RPS6KC1: variants seen among roughly 807,000 people sequenced by gnomAD.
RPS6KC1 encodes the protein inactive ribosomal protein S6 kinase delta-1.
Under a neutral mutation model 103.8 loss-of-function variants are expected in RPS6KC1, and 54 were observed. That is an observed-to-expected ratio of 0.52 (90% CI 0.42 to 0.65). The LOEUF (loss-of-function observed/expected upper bound fraction) is 0.65. Among genes scored for constraint, RPS6KC1 ranks in the 30% least tolerant of loss-of-function variants. The probability of loss-of-function intolerance (pLI) is 0.00; values close to 1 mark genes in which losing one functional copy is unlikely to be tolerated. For synonymous variants in RPS6KC1, 439 were observed against 438.7 expected (o/e 1.00, Z -0.01); for missense variants, 1,151 against 1,253.8 (o/e 0.92, Z 1.24).
chr1:213,168,549 T>A (rs917942463), intron 7 of RPS6KC1, among the ~76,000 whole-genome samples: 1 of 141,216 alleles, frequency 7.1e-6, no homozygotes. Context: ...ACTTTTCTGT[T>A]ATTTTTTTTC....
chr1:213,734,926 TTTG>T, the RPS6KC1 span, among the ~76,000 whole-genome samples: 5 of 142,562 alleles, frequency 3.5e-5, no homozygotes, highest in Non-Finnish European at 6.1e-5. Flanking sequence ...GTTGTTGTTG[TTTG>T]TTGTTGTTGT....
the RPS6KC1 span, among the ~76,000 whole-genome samples, chr1:213,693,421 C>T: frequency 1.3e-5 from 2 of 152,240 alleles, no homozygotes; most frequent in Non-Finnish European, 2.9e-5. Context: ...ATTTGGACTA[C>T]AAGCTCCTTC....
At chr1:213,663,698 C>T in the RPS6KC1 span, among the ~76,000 whole-genome samples, 3 of 152,236 alleles carry the variant, frequency 2.0e-5, no homozygotes, top group Admixed American at 1.3e-4. Context: ...TATCCTTCCT[C>T]GAGCATGGAA....
At chr1:213,692,402 A>AT in the RPS6KC1 span, among the ~76,000 whole-genome samples, 431 of 150,602 alleles carry the variant, frequency 2.9e-3, 3 homozygotes, top group African/African-American at 0.01. Context: ...AAAAAAAAAA[A>AT]ATAAATAAAG....
At chr1:213,511,048 C>G in the RPS6KC1 span, among the ~76,000 whole-genome samples, 1 of 152,038 alleles carries the variant, frequency 6.6e-6, no homozygotes. Flanking sequence ...AGAACAGACA[C>G]CAGATTTTAA....
the RPS6KC1 span, among the ~76,000 whole-genome samples, chr1:213,523,535 G>T: frequency 3.9e-5 from 6 of 152,166 alleles, no homozygotes; most frequent in African/African-American, 1.2e-4. Flanking sequence ...CAGGGTTGTT[G>T]TAAAAATAAA....
At chr1:213,563,754 A>G in the RPS6KC1 span, among the ~76,000 whole-genome samples, 3 of 152,086 alleles carry the variant, frequency 2.0e-5, no homozygotes, top group Admixed American at 6.5e-5. Flanking sequence ...GTCTTCCAAA[A>G]ATGCAAGGAG....
the RPS6KC1 span, among the ~76,000 whole-genome samples, chr1:213,597,788 T>C: frequency 1.9e-4 from 29 of 152,098 alleles, no homozygotes; most frequent in African/African-American, 6.5e-4. Flanking sequence ...ACCCACTTAT[T>C]TTGTTGTTGT....
the RPS6KC1 span, among the ~76,000 whole-genome samples, chr1:213,343,757 T>C: frequency 6.6e-6 from 1 of 151,748 alleles, no homozygotes; most frequent in African/African-American, 2.4e-5. Context: ...AACTTCTTCA[T>C]GTAACCAAAT....
At chr1:213,619,907 G>A in the RPS6KC1 span, among the ~76,000 whole-genome samples, 1 of 152,114 alleles carries the variant, frequency 6.6e-6, no homozygotes, top group Non-Finnish European at 1.5e-5. Flanking sequence ...AGTAGTAGAG[G>A]GAAAAGTTAA....
intron 8 of RPS6KC1, among the ~76,000 whole-genome samples, chr1:213,186,256 T>G (rs1170091774): frequency 3.3e-5 from 5 of 151,962 alleles, no homozygotes; most frequent in Non-Finnish European, 7.4e-5. Flanking sequence ...GCATTTCTTA[T>G]AATGTAGATC....
chr1:213,411,181 C>A, the RPS6KC1 span, among the ~76,000 whole-genome samples: 1 of 152,172 alleles, frequency 6.6e-6, no homozygotes, highest in Non-Finnish European at 1.5e-5. Flanking sequence ...CCTGTCTTTA[C>A]GGAAGGCCTT....
the RPS6KC1 span, among the ~76,000 whole-genome samples, chr1:213,693,146 T>TCCTTCAATCTATTCTCAGCAG: frequency 3.9e-5 from 6 of 152,304 alleles, no homozygotes; most frequent in Admixed American, 2.6e-4. Flanking sequence ...CCTCTTGCCT[T>TCCTTCAATCTATTCTCAGCAG]CCTTCAATCT....
intron 6 of RPS6KC1, among the ~76,000 whole-genome samples, chr1:213,140,831 AG>A (rs1350165286): frequency 7.0e-6 from 1 of 142,808 alleles, no homozygotes; most frequent in Non-Finnish European, 1.5e-5. Flanking sequence ...TCATAGAATG[AG>A]GGAGGAATCC....
At chr1:213,109,658 G>T (rs2082829805) in intron 4 of RPS6KC1, among the ~76,000 whole-genome samples, 1 of 151,984 alleles carries the variant, frequency 6.6e-6, no homozygotes, top group Non-Finnish European at 1.5e-5. Flanking sequence ...CTTTTGTGTG[G>T]CTATGGATAT....
At chr1:213,762,188 C>G in the RPS6KC1 span, among the ~76,000 whole-genome samples, 5 of 152,242 alleles carry the variant, frequency 3.3e-5, no homozygotes, top group African/African-American at 9.6e-5. Context: ...GCAGTGCCCT[C>G]TGCCTAGCGT....
the RPS6KC1 span, among the ~76,000 whole-genome samples, chr1:213,581,821 G>C: frequency 1.3e-5 from 2 of 152,028 alleles, no homozygotes; most frequent in African/African-American, 2.4e-5. Flanking sequence ...TGCTTTTTCA[G>C]GCTTCTGTGC....
chr1:213,564,194 C>T, the RPS6KC1 span, among the ~76,000 whole-genome samples: 1 of 152,256 alleles, frequency 6.6e-6, no homozygotes, highest in South Asian at 2.1e-4. Flanking sequence ...TATGCCTTCA[C>T]TTTTAAATGA....
At chr1:213,323,894 A>T in the RPS6KC1 span, among the ~76,000 whole-genome samples, 1 of 152,018 alleles carries the variant, frequency 6.6e-6, no homozygotes, top group African/African-American at 2.4e-5. Context: ...ATTAGGGTTC[A>T]CTCTTGGTGT....
Sources: allele counts gnomAD v4.1 joint callset (sites outside exome capture counted in the v4.1 genomes callset), GRCh38; gene constraint gnomAD v4.1.1; transcripts MANE v1.5; gene names NCBI Gene and HGNC (gene_info 2026-07-23, HGNC 2026-07-21).